Variants in COG6 observed in about 807,000 individuals in gnomAD.
COG6 encodes conserved oligomeric Golgi complex subunit 6.
A neutral mutation model predicts 88.8 loss-of-function variants in COG6; 74 were observed. That is an observed-to-expected ratio of 0.83 (90% CI 0.69 to 1.01). The LOEUF is 1.01. Among genes scored for constraint, COG6 ranks in the 50% least tolerant of loss-of-function variants. COG6 has a pLI of 0.00. For synonymous variants in COG6, 286 were observed against 278.7 expected (o/e 1.03, Z -0.26); for missense variants, 800 against 797.9 (o/e 1.00, Z -0.03).
downstream of COG6, among the ~76,000 whole-genome samples, chr13:39,755,462 C>T (rs1880802773): frequency 6.6e-6 from 1 of 152,156 alleles, no homozygotes; most frequent in Non-Finnish European, 1.5e-5. Flanking sequence ...TTATTTAAAA[C>T]ATTTACCTGT....
intron 8 of COG6, among the ~76,000 whole-genome samples, chr13:39,686,114 T>C (rs12855608): frequency 0.082 from 12,482 of 152,252 alleles, 644 homozygotes; most frequent in South Asian, 0.15. Flanking sequence ...CTATGTAGCC[T>C]AAGATATTAA....
intron 13 of COG6, among the ~76,000 whole-genome samples, chr13:39,704,776 A>G (rs1327168436): frequency 2.6e-5 from 4 of 152,336 alleles, no homozygotes; most frequent in Middle Eastern, 3.4e-3. Context: ...TTACCAATCA[A>G]TATTGCAGCT....
rs182025181 is a variant in COG6, at chr13:39,730,911, T to A, written c.1826+3363T>A. Among the ~76,000 whole-genome samples, 27 of 150,666 alleles carry A rather than the reference T, an allele frequency of 1.8e-4. No individual in the cohort carries two copies. The East Asian group carries it at 4.8e-3, about 27-fold the overall frequency. On this transcript the variant is annotated intron_variant, in intron 18 of 18. Transcript: ENST00000455146. ...ATCTCAGCTCACTACAGCCTCCATCTCCTGGGTTCAAGTGATTCTCCTGCC... is the reference window on the plus strand; with the variant it reads ...ATCTCAGCTCACTACAGCCTCCATCACCTGGGTTCAAGTGATTCTCCTGCC...
intron 16 of COG6, 89 bp downstream of exon 16, chr13:39,723,529 C>T (rs1878966315): frequency 1.5e-5 from 12 of 788,188 alleles, no homozygotes; most frequent in African/African-American, 6.8e-5. Context: ...CTTGGCTCTA[C>T]CACATATTAG....
At chr13:39,772,712 A>G (rs1881355187) in intron 18 of COG6, among the ~76,000 whole-genome samples, 1 of 152,196 alleles carries the variant, frequency 6.6e-6, no homozygotes, top group Admixed American at 6.5e-5. Context: ...CCTCTTAAGG[A>G]TGGTCCAGGT....
At chr13:39,740,932 T>G (rs1479336142) in intron 18 of COG6, among the ~76,000 whole-genome samples, 1 of 152,146 alleles carries the variant, frequency 6.6e-6, no homozygotes, top group African/African-American at 2.4e-5. Context: ...TAAAACTCAA[T>G]TTTAGTGATC....
intron 13 of COG6, among the ~76,000 whole-genome samples, chr13:39,710,661 C>T (rs1053371274): frequency 1.3e-5 from 2 of 152,034 alleles, no homozygotes; most frequent in African/African-American, 4.8e-5. Context: ...TCAACAAATA[C>T]TTTTCGGTTG....
intron 11 of COG6, among the ~76,000 whole-genome samples, chr13:39,693,114 G>A (rs370814665): frequency 6.6e-6 from 1 of 151,862 alleles, no homozygotes; most frequent in Non-Finnish European, 1.5e-5. Flanking sequence ...TTTCTGTGTG[G>A]CAAACAAAGC....
At chr13:39,677,781 A>G (rs1876062043) in intron 5 of COG6, among the ~76,000 whole-genome samples, 2 of 152,236 alleles carry the variant, frequency 1.3e-5, no homozygotes, top group South Asian at 4.1e-4. Context: ...AGTTATAAAA[A>G]GAAAATCTAT....
At chr13:39,660,728 CTAAAA>C (rs1874842910) in intron 2 of COG6, 77 bp from the exon 3 acceptor site, 3 of 941,810 alleles carry the variant, frequency 3.2e-6, no homozygotes, top group Admixed American at 3.7e-5. Flanking sequence ...AATTATGTAA[CTAAAA>C]TAAGGATTTA....
intron 13 of COG6, among the ~76,000 whole-genome samples, chr13:39,717,574 A>G (rs1878596935): frequency 6.6e-6 from 1 of 151,974 alleles, no homozygotes. Flanking sequence ...ACCTGCTCAA[A>G]TCTGCTGTAA....
At chr13:39,683,591 A>T (rs561680598) in intron 8 of COG6, among the ~76,000 whole-genome samples, 4 of 152,312 alleles carry the variant, frequency 2.6e-5, no homozygotes, top group Admixed American at 2.6e-4. Context: ...TTAACAGTTT[A>T]TTCCTGCTTT....
chr13:39,710,472 A>T (rs1371835832), intron 13 of COG6, among the ~76,000 whole-genome samples: 1 of 152,084 alleles, frequency 6.6e-6, no homozygotes, highest in Non-Finnish European at 1.5e-5. Flanking sequence ...GGTATGGAGG[A>T]GCAAATTTGG....
chr13:39,708,029 C>G (rs1878037104), intron 13 of COG6, among the ~76,000 whole-genome samples: 1 of 152,080 alleles, frequency 6.6e-6, no homozygotes, highest in African/African-American at 2.4e-5. Context: ...GTTCCACATT[C>G]TCTCCAGTAC....
At chr13:39,780,713 C>G (rs1055815838) in intron 18 of COG6, among the ~76,000 whole-genome samples, 3 of 152,134 alleles carry the variant, frequency 2.0e-5, no homozygotes, top group African/African-American at 7.2e-5. Flanking sequence ...TCAGGCAAAA[C>G]TTACCCTTCA....
intron 13 of COG6, among the ~76,000 whole-genome samples, chr13:39,713,099 G>A (rs889457230): frequency 6.6e-6 from 1 of 152,168 alleles, no homozygotes; most frequent in Non-Finnish European, 1.5e-5. Flanking sequence ...CTTTCTCCCA[G>A]TCACATCATT....
At chr13:39,781,656 C>A (rs1229032445) in intron 18 of COG6, among the ~76,000 whole-genome samples, 6 of 152,006 alleles carry the variant, frequency 3.9e-5, no homozygotes, top group South Asian at 2.1e-4. Flanking sequence ...CACCCCAATT[C>A]CCCCATTTCC....
At chr13:39,757,608 G>A (rs1401005455), downstream of COG6, among the ~76,000 whole-genome samples, 1 of 150,874 alleles carries the variant, frequency 6.6e-6, no homozygotes, top group Admixed American at 6.6e-5. Context: ...AGTATGAAAC[G>A]GGACATTACT....
intron 13 of COG6, among the ~76,000 whole-genome samples, chr13:39,699,892 A>G (rs964708687): frequency 2.7e-4 from 41 of 151,862 alleles, no homozygotes; most frequent in Non-Finnish European, 5.3e-4. Context: ...TGTATAATTA[A>G]AGCAAACTTA....
Sources: allele counts gnomAD v4.1 joint callset (sites outside exome capture counted in the v4.1 genomes callset), GRCh38; gene constraint gnomAD v4.1.1; transcripts MANE v1.5; gene names NCBI Gene and HGNC (gene_info 2026-07-23, HGNC 2026-07-21).